The following ATXN2L variants were observed in gnomAD, a reference collection of about 807,000 sequenced individuals.
ATXN2L encodes the protein ataxin 2 like.
ATXN2L carries 24 observed loss-of-function variants against 120.7 expected under a neutral mutation model. That is an observed-to-expected ratio of 0.20 (90% CI 0.14 to 0.28). ATXN2L has a LOEUF of 0.28. Among genes scored for constraint, ATXN2L ranks in the 10% least tolerant of loss-of-function variants. The pLI is 1.00. For synonymous variants in ATXN2L, 653 were observed against 568.1 expected, an observed-to-expected ratio of 1.15 and a Z score of -2.13; for missense variants, 1,312 against 1,432.3, an observed-to-expected ratio of 0.92 and a Z score of 1.36.
chr16:28,831,979 G>C (rs2054645039), intron 10 of ATXN2L, among the ~76,000 whole-genome samples: 1 of 152,210 alleles, frequency 6.6e-6, no homozygotes, highest in Admixed American at 6.5e-5. Flanking sequence ...TGCGTAGCTT[G>C]AGTTGACTGG....
At position 28,836,643 on chromosome 16, in the gene ATXN2L, C is replaced by CA; in HGVS notation, c.*379dup. 1 of 1,610,650 alleles carries CA rather than the reference C, an allele frequency of 6.2e-7. No homozygotes were observed. Among genetic ancestry groups the CA allele is most frequent in the African/African-American group, 1.3e-5 (1 of 74,896 alleles). ...GGCCGCTCCTTCCCAGACACACCCC[C>CA]ACGCCCCCACTGGACGGCATTGGAG... On this transcript the variant is annotated 3_prime_UTR_variant, in exon 22 of 22. Coordinates refer to ENST00000336783, the MANE Select transcript of ATXN2L (RefSeq NM_007245.4).
chr16:28,823,112 C>T lies in ATXN2L; in HGVS notation c.-148C>T, dbSNP rs963734394. 5.0e-6 allele frequency: 2 copies of T among 400,074 alleles called. No individual in the cohort carries two copies. Among genetic ancestry groups the T allele is most frequent in the Non-Finnish European group, 8.6e-6 (2 of 232,786 alleles). 24.8% of individuals were successfully genotyped at this position (400,074 alleles called of 1,614,324 possible). ...CTCGCGCCGCGGTCTTCTCTCTCCA[C>T]CCCCGACACCGCGGGGCTCCCCCCG... On this transcript the variant is annotated 5_prime_UTR_variant, in exon 1 of 22. Transcript: ENST00000336783.
intron 8 of ATXN2L, 60 bp downstream of exon 8, chr16:28,830,118 C>A: frequency 6.7e-7 from 1 of 1,503,116 alleles, no homozygotes; most frequent in African/African-American, 1.4e-5. Context: ...GGGGCCTGGG[C>A]CCAGAGTTGA....
Position 28,826,857 on chromosome 16 carries a change from C to A in ATXN2L, c.617-5C>A. 1 of 1,569,848 alleles carries A rather than the reference C, an allele frequency of 6.4e-7. No individual in the cohort carries two copies. The highest frequency in any genetic ancestry group is 8.7e-7 in the Non-Finnish European group (1 of 1,153,082). ...GACTCCTGATCTTCACCTCTGCCCC[C>A]ACAGACAAGTTCACCGATTCAGCCA... On this transcript the variant is annotated splice_polypyrimidine_tract_variant and splice_region_variant and intron_variant, in intron 5 of 21. Coordinates refer to ENST00000336783, the MANE Select transcript of ATXN2L (RefSeq NM_007245.4).
In ATXN2L at chr16:28,835,755, C is replaced by G. The variant is rs1425509478; in HGVS notation, c.2892C>G (p.Thr964=). The G allele has an allele frequency of 6.2e-7, 1 of 1,614,120 alleles. No homozygotes were observed. Among genetic ancestry groups the G allele is most frequent in the South Asian group, 1.1e-5 (1 of 91,086 alleles). ...GCTTCACCAACATGGCCCATGTTACCCAGGTAAGAGCCCAGCTGTCCCACT... is the reference window on the plus strand; with the variant it reads ...GCTTCACCAACATGGCCCATGTTACGCAGGTAAGAGCCCAGCTGTCCCACT... ...PHGFTNMAHV[T]QAHVQTGITA... Residue 964 remains threonine (T), a synonymous_variant, in exon 21 of 22, where the codon ACC becomes ACG. Coordinates refer to ENST00000336783, the MANE Select transcript of ATXN2L (RefSeq NM_007245.4).
chr16:28,833,029 G>A, intron 13 of ATXN2L, 30 bp from the exon 14 acceptor site: 1 of 1,609,788 alleles, frequency 6.2e-7, no homozygotes, highest in East Asian at 2.2e-5. Context: ...GTCTGGGTCA[G>A]ACTGGACTGT....
rs1265843546 is a variant in ATXN2L, at chr16:28,832,392, C to T, written c.1509C>T (p.Pro503=). Residue 503 remains proline (P), a synonymous_variant, in exon 11 of 22, where the codon CCC becomes CCT. Transcript: ENST00000336783. ...SPASPKISLA[P]TDVKELSTKE... ...CTTCTCCAAAGATCTCCCTGGCCCCCACAGATGGTAAGAGCTAGGTGTTTG... is the reference window on the plus strand; with the variant it reads ...CTTCTCCAAAGATCTCCCTGGCCCCTACAGATGGTAAGAGCTAGGTGTTTG... The T allele has an allele frequency of 1.2e-6, 2 of 1,614,112 alleles. No individual in the cohort carries two copies. The highest frequency in any genetic ancestry group is 1.7e-6 in the Non-Finnish European group (2 of 1,179,984).
At chr16:28,830,146 G>A in intron 8 of ATXN2L, 88 bp downstream of exon 8, 1 of 1,307,482 alleles carries the variant, frequency 7.6e-7, no homozygotes, top group African/African-American at 1.5e-5. Flanking sequence ...TGTGGTTTAA[G>A]CCTTGTGACC....
intron 8 of ATXN2L, among the ~76,000 whole-genome samples, chr16:28,830,261 C>G (rs948116677): frequency 2.0e-5 from 3 of 151,980 alleles, no homozygotes; most frequent in African/African-American, 7.2e-5. Context: ...AAAAAAAATT[C>G]AAAATTTATG....
rs765744418 is a variant in ATXN2L, at chr16:28,826,236, G to A, written c.466-4G>A. On this transcript the variant is annotated splice_region_variant and splice_polypyrimidine_tract_variant and intron_variant, in intron 4 of 21. Coordinates refer to ENST00000336783, the MANE Select transcript of ATXN2L (RefSeq NM_007245.4). ...CATGGGTGTGGGGAATGGGGTGTTT[G>A]TAGTTTGAACTAGCCGTGGATGCTG... 8.1e-6 allele frequency: 13 copies of A among 1,613,974 alleles called. No individual in the cohort carries two copies. In the Admixed American group the frequency reaches 1.0e-4, roughly 12 times the overall value.
At chr16:28,824,168 C>G (rs1442927222) in intron 1 of ATXN2L, 2 of 1,025,750 alleles carry the variant, frequency 1.9e-6, no homozygotes, top group Admixed American at 6.0e-5. Context: ...CGTGGATGCT[C>G]GGTCTCATGA....
intron 1 of ATXN2L, chr16:28,824,482 A>G (rs1238373269): frequency 7.8e-7 from 1 of 1,288,100 alleles, no homozygotes; most frequent in South Asian, 1.2e-5. Flanking sequence ...TTCGCCCTCA[A>G]CCGCCGGTTA....
chr16:28,824,730 C>A, intron 1 of ATXN2L: 1 of 469,336 alleles, frequency 2.1e-6, no homozygotes, highest in Non-Finnish European at 3.3e-6. Context: ...GCTGGCGTGG[C>A]TTTTTGGTTA....
Position 28,823,182 on chromosome 16 carries a change from G to T in ATXN2L, c.-78G>T. The T allele has an allele frequency of 2.1e-6, 2 of 949,610 alleles. No homozygotes were observed. The highest frequency in any genetic ancestry group is 2.7e-6 in the Non-Finnish European group (2 of 750,372). The allele number at this position is 949,610 out of a possible 1,614,324, so 58.8% of individuals were successfully genotyped here. On this transcript the variant is annotated 5_prime_UTR_variant, in exon 1 of 22. Transcript: ENST00000336783. ...GGCTGCCCGATCCCCCTCGCTTCCC[G>T]CGCTCTCCAGCGGGGCCCCAGCCCC...
At chr16:28,825,558 T>C in intron 2 of ATXN2L, 66 bp from the exon 3 acceptor site, 4 of 1,570,210 alleles carry the variant, frequency 2.5e-6, no homozygotes, top group Non-Finnish European at 3.5e-6. Flanking sequence ...GCGGCGGGCA[T>C]TTAGAAAAGA....
chr16:28,826,187 C>T (rs1210116894), intron 4 of ATXN2L, 53 bp from the exon 5 acceptor site: 1 of 1,596,124 alleles, frequency 6.3e-7, no homozygotes, highest in African/African-American at 1.3e-5. Flanking sequence ...TCTATTTTTG[C>T]CTTCACTTTT....
At chr16:28,823,884 G>A (rs1049682165) in intron 1 of ATXN2L, 2 of 296,302 alleles carry the variant, frequency 6.7e-6, no homozygotes, top group Admixed American at 5.3e-5. Flanking sequence ...GGGGTCCCCG[G>A]TTCCATTACC....
At chr16:28,824,467 C>T (rs1017981806) in intron 1 of ATXN2L, 10 of 1,287,760 alleles carry the variant, frequency 7.8e-6, no homozygotes, top group African/African-American at 6.1e-5. Context: ...GCCAGCGGCC[C>T]CCTCTTCGCC....
In ATXN2L at chr16:28,829,908, G is replaced by T; in HGVS notation, c.884G>T (p.Arg295Leu). Residue 295 changes from arginine (R) to leucine (L), a missense_variant, in exon 8 of 22, where the codon CGT becomes CTT. Coordinates refer to ENST00000336783, the MANE Select transcript of ATXN2L (RefSeq NM_007245.4). ...NSEEFRQREL[R>L]AAQLAREIES... ...GAAGAGTTTCGTCAGCGAGAGCTGC[G>T]TGCGGCCCAGTTGGCTCGAGAGATT... 1.2e-6 allele frequency: 2 copies of T among 1,614,240 alleles called. No homozygotes were observed. Among genetic ancestry groups the T allele is most frequent in the Admixed American group, 1.7e-5 (1 of 60,030 alleles).
Sources: allele counts gnomAD v4.1 joint callset (sites outside exome capture counted in the v4.1 genomes callset), GRCh38; gene constraint gnomAD v4.1.1; transcripts MANE v1.5; gene names NCBI Gene and HGNC (gene_info 2026-07-23, HGNC 2026-07-21).